The following SHTN1 variants were observed in gnomAD, a reference collection of about 807,000 sequenced individuals.
SHTN1 encodes the protein shootin-1.
SHTN1 carries 42 observed loss-of-function variants against 83.1 expected under a neutral mutation model. That is an observed-to-expected ratio of 0.51 (90% CI 0.39 to 0.65). The LOEUF (loss-of-function observed/expected upper bound fraction) is 0.65. Ranked by LOEUF, SHTN1 falls within the 30% of genes least tolerant of loss-of-function variation. SHTN1 has a pLI of 0.00. For missense variants in SHTN1, 622 were observed against 737.8 expected (o/e 0.84, Z 1.82); for synonymous variants, 224 against 247.7 (o/e 0.90, Z 0.90).
chr10:116,980,542 T>C (rs1490381012), intron 1 of SHTN1, among the ~76,000 whole-genome samples: 6 of 146,904 alleles, frequency 4.1e-5, no homozygotes, highest in East Asian at 4.0e-4. Context: ...TATGGATTTA[T>C]CTACCAAAAA....
intron 1 of SHTN1, among the ~76,000 whole-genome samples, chr10:117,089,402 C>T (rs1853397016): frequency 6.6e-6 from 1 of 151,948 alleles, no homozygotes. Context: ...TAAAAAGTAA[C>T]AAAAAATCAC....
Position 116,951,992 on chromosome 10 carries a change from T to C in SHTN1, c.451A>G (p.Ile151Val), listed in dbSNP as rs780985147. The C allele has an allele frequency of 6.6e-7, 1 of 1,523,954 alleles. No individual in the cohort carries two copies. The highest frequency in any genetic ancestry group is 2.4e-5 in the East Asian group (1 of 42,544). The allele number at this position is 1,523,954 out of a possible 1,614,324, so 94.4% of individuals were successfully genotyped here. A position where few individuals can be genotyped will look rare whatever the true frequency, so the allele number is the denominator to read the frequency against. The change falls in exon 6 of 17, where the codon ATT (isoleucine) becomes GTT (valine). Residue 151 changes from isoleucine to valine, a missense_variant. Transcript: ENST00000355371. ...TTCTTTTCCTCCTGAACAGATACAA[T>C]TTGATCTCGAAGTTCTGCATTTTTA... ...QKQIKELRDQ[I>V]VSVQEEKKIL... is the part of the protein sequence containing the mutation.
chr10:117,027,655 C>G (rs1472868127), intron 2 of SHTN1, among the ~76,000 whole-genome samples: 1 of 152,056 alleles, frequency 6.6e-6, no homozygotes, highest in Non-Finnish European at 1.5e-5. Context: ...CCCGCCACCA[C>G]ACCCAGCTAA....
intron 1 of SHTN1, among the ~76,000 whole-genome samples, chr10:117,120,811 A>ATTT (rs71013645): frequency 7.1e-6 from 1 of 141,466 alleles, no homozygotes; most frequent in African/African-American, 2.6e-5. Flanking sequence ...CACTGATTTG[A>ATTT]TTTTTTTTTT....
intron 1 of SHTN1, among the ~76,000 whole-genome samples, chr10:117,053,365 C>A (rs1445208125): frequency 1.3e-5 from 2 of 151,934 alleles, no homozygotes; most frequent in Non-Finnish European, 2.9e-5. Context: ...GAGTATATAT[C>A]TAATAATGGT....
intron 1 of SHTN1, among the ~76,000 whole-genome samples, chr10:117,054,888 C>T (rs755826005): frequency 5.9e-5 from 9 of 152,088 alleles, no homozygotes; most frequent in Non-Finnish European, 1.2e-4. Context: ...TGATTTATGT[C>T]TTTGTCTATA....
intron 1 of SHTN1, among the ~76,000 whole-genome samples, chr10:116,986,367 G>A (rs1487424136): frequency 7.2e-5 from 11 of 152,138 alleles, no homozygotes; most frequent in South Asian, 4.1e-4. Flanking sequence ...GCCTGGAAGC[G>A]AAACCTCCTT....
At chr10:116,948,697 G>C (rs1189813446) in intron 7 of SHTN1, among the ~76,000 whole-genome samples, 1 of 152,112 alleles carries the variant, frequency 6.6e-6, no homozygotes, top group Admixed American at 6.6e-5. Context: ...AAATGAGTGG[G>C]TTCCTTGTTC....
chr10:117,091,701 T>C (rs1698014974), intron 1 of SHTN1, among the ~76,000 whole-genome samples: 1 of 152,204 alleles, frequency 6.6e-6, no homozygotes, highest in Admixed American at 6.5e-5. Flanking sequence ...CAGTATGCAT[T>C]TGCTCATGCT....
chr10:117,063,729 T>G (rs1852933490), intron 1 of SHTN1, among the ~76,000 whole-genome samples: 1 of 152,098 alleles, frequency 6.6e-6, no homozygotes, highest in African/African-American at 2.4e-5. Context: ...GTCTTTTTAT[T>G]CCTTATAATA....
At chr10:116,932,852 T>C (rs1014299433) in intron 9 of SHTN1, among the ~76,000 whole-genome samples, 10 of 152,210 alleles carry the variant, frequency 6.6e-5, no homozygotes, top group African/African-American at 1.9e-4. Flanking sequence ...ACAAGGTATA[T>C]ATACAACAAT....
intron 16 of SHTN1, among the ~76,000 whole-genome samples, chr10:116,888,521 GA>G (rs1847233348): frequency 6.6e-6 from 1 of 152,178 alleles, no homozygotes; most frequent in South Asian, 2.1e-4. Context: ...TAAAGTGACA[GA>G]GACTGGGGAC....
intron 4 of SHTN1, among the ~76,000 whole-genome samples, chr10:116,955,966 G>T (rs180674665): frequency 1.3e-5 from 2 of 152,242 alleles, no homozygotes; most frequent in Admixed American, 1.3e-4. Flanking sequence ...AACTGTTGTG[G>T]GTTCTTTAAA....
chr10:116,969,059 T>G (rs1405050096), intron 2 of SHTN1, among the ~76,000 whole-genome samples: 1 of 152,246 alleles, frequency 6.6e-6, no homozygotes, highest in African/African-American at 2.4e-5. Flanking sequence ...CTGTACATAG[T>G]CACTCATGTA....
chr10:116,902,854 C>T (rs1847801717), intron 15 of SHTN1, among the ~76,000 whole-genome samples: 1 of 152,150 alleles, frequency 6.6e-6, no homozygotes, highest in African/African-American at 2.4e-5. Flanking sequence ...GTGTCTATCC[C>T]TAACAAATGT....
In SHTN1 at chr10:116,886,315, C is replaced by A. The variant is rs1267765206; in HGVS notation, c.*29G>T. ...ATCATGTGCTTATTGAAAAGGACTT[C>A]CAAACATGTCAGGCTTCTGGTTTAT... is the stretch of plus-strand genomic sequence containing the variant. On this transcript the variant is annotated 3_prime_UTR_variant, in exon 17 of 17. Transcript: ENST00000355371. 5 of 1,551,836 alleles carry A rather than the reference C, an allele frequency of 3.2e-6. No individual in the cohort carries two copies. The South Asian group carries it at 5.9e-5, about 18-fold the overall frequency.
At chr10:117,031,069 A>G (rs886741107) in intron 2 of SHTN1, among the ~76,000 whole-genome samples, 3 of 152,140 alleles carry the variant, frequency 2.0e-5, no homozygotes, top group African/African-American at 7.2e-5. Context: ...TTAATAATCA[A>G]ACTCCCAAAG....
intron 1 of SHTN1, among the ~76,000 whole-genome samples, chr10:117,124,499 C>G (rs1021826688): frequency 6.6e-5 from 10 of 152,106 alleles, no homozygotes; most frequent in Non-Finnish European, 7.4e-5. Flanking sequence ...CTTTGCTTTT[C>G]TCATTGAATT....
intron 1 of SHTN1, among the ~76,000 whole-genome samples, chr10:116,982,736 A>G (rs1290795850): frequency 6.6e-6 from 1 of 152,112 alleles, no homozygotes; most frequent in Non-Finnish European, 1.5e-5. Flanking sequence ...GTGGGGGGGA[A>G]TCACTTGAGG....
Sources: allele counts gnomAD v4.1 joint callset (sites outside exome capture counted in the v4.1 genomes callset), GRCh38; gene constraint gnomAD v4.1.1; transcripts MANE v1.5; gene names NCBI Gene and HGNC (gene_info 2026-07-23, HGNC 2026-07-21).